The following POLG2 variants were observed in gnomAD, a reference collection of about 807,000 sequenced individuals.
The protein encoded by POLG2 is DNA polymerase gamma 2, accessory subunit.
In POLG2, 50 loss-of-function variants were observed where a neutral mutation model predicts 56.5. That is an observed-to-expected ratio of 0.88 (90% CI 0.71 to 1.12). The LOEUF is 1.12. Ranked by LOEUF, POLG2 falls within the 50% of genes most tolerant of loss-of-function variation. POLG2 has a pLI of 0.00. For missense variants in POLG2, 584 were observed against 583.3 expected (o/e 1.00, Z -0.01); for synonymous variants, 226 against 222.6 (o/e 1.02, Z -0.14).
intron 1 of POLG2, 120 bp downstream of exon 1, chr17:64,496,287 G>A (rs1246238666): frequency 1.5e-6 from 1 of 687,432 alleles, no homozygotes. Flanking sequence ...TCAAAAAGAT[G>A]AGAACTAACT....
chr17:64,481,283 C>T, intron 6 of POLG2: 1 of 985,370 alleles, frequency 1.0e-6, no homozygotes, highest in Non-Finnish European at 1.2e-6. Context: ...ATTATCTTCT[C>T]CTTCTTTGAG....
intron 6 of POLG2, among the ~76,000 whole-genome samples, chr17:64,481,881 A>C (rs1555666543): frequency 6.6e-6 from 1 of 151,618 alleles, no homozygotes; most frequent in Non-Finnish European, 1.5e-5. Flanking sequence ...TCTCAAAATA[A>C]ATAAATAAAT....
rs781993155 is a variant in POLG2 at position 64,496,824 on chromosome 17, C to A, written c.145G>T (p.Glu49Ter). Residue 49 changes from glutamate (E) to a stop codon, truncating the protein, a stop_gained, in exon 1 of 8, where the codon GAG (glutamate) becomes TAG (stop). Transcript: ENST00000539111. LOFTEE classifies it high-confidence loss of function. ...GGGTGCTCGCCGTTCCCCTCGAGCT[C>A]CGCGTGCGACTTCACATGCCCTCCT... is the stretch of plus-strand genomic sequence containing the variant. ...PKGGHVKSHA[E>*]LEGNGEHPEA... 1 of 1,613,918 alleles carries A rather than the reference C, an allele frequency of 6.2e-7. No homozygotes were observed. The highest frequency in any genetic ancestry group is 1.1e-5 in the South Asian group (1 of 91,076).
intron 7 of POLG2, 51 bp from the exon 8 acceptor site, chr17:64,478,039 A>C: frequency 1.9e-6 from 3 of 1,583,994 alleles, no homozygotes; most frequent in Non-Finnish European, 2.6e-6. Flanking sequence ...TAAATAATAA[A>C]TTCCTCCACG....
intron 4 of POLG2, chr17:64,486,923 A>T (rs933272899): frequency 2.6e-5 from 4 of 152,238 alleles, no homozygotes; most frequent in Non-Finnish European, 4.4e-5. Context: ...AAGAGGAATC[A>T]TTTCAAACTT....
chr17:64,482,218 C>T (rs1200835071), intron 6 of POLG2, among the ~76,000 whole-genome samples: 1 of 150,924 alleles, frequency 6.6e-6, no homozygotes. Flanking sequence ...ATTCTTGTGC[C>T]TTAGCCTCCT....
chr17:64,491,045 A>C (rs1555668399), intron 3 of POLG2, 76 bp from the exon 4 acceptor site: 2 of 1,123,080 alleles, frequency 1.8e-6, no homozygotes, highest in Non-Finnish European at 2.7e-6. Flanking sequence ...ATCTGTAAGA[A>C]TTTAAATTGT....
At chr17:64,486,483 T>C (rs927529333) in intron 4 of POLG2, among the ~76,000 whole-genome samples, 1 of 152,044 alleles carries the variant, frequency 6.6e-6, no homozygotes, top group Admixed American at 6.6e-5. Context: ...TGCCTCAGTC[T>C]CCTGAGTAGC....
rs782075694 is a variant in POLG2, at chr17:64,490,784, G to A, written c.969+12C>T. 1 of 1,603,946 alleles carries A rather than the reference G, an allele frequency of 6.2e-7. No individual in the cohort carries two copies. The highest frequency in any genetic ancestry group is 8.5e-7 in the Non-Finnish European group (1 of 1,170,758). ...GGGTAAAAAATACATAGGAGCTCCAGGTAAAACATACATGTAATTTAGACA... is the reference window on the plus strand; with the variant it reads ...GGGTAAAAAATACATAGGAGCTCCAAGTAAAACATACATGTAATTTAGACA... On this transcript the variant is annotated intron_variant, in intron 4 of 7. Transcript: ENST00000539111.
chr17:64,482,840 C>G, intron 6 of POLG2, 79 bp downstream of exon 6: 2 of 845,548 alleles, frequency 2.4e-6, no homozygotes, highest in Non-Finnish European at 4.1e-6. Flanking sequence ...ATCCGAGATC[C>G]AAAATGGTCC....
At chr17:64,494,241 C>A (rs564966230) in intron 1 of POLG2, among the ~76,000 whole-genome samples, 4 of 152,112 alleles carry the variant, frequency 2.6e-5, no homozygotes, top group African/African-American at 9.7e-5. Context: ...TGATTGTTTC[C>A]TTATGATTTA....
chr17:64,496,476 C>T lies in POLG2; in HGVS notation c.493G>A (p.Glu165Lys), dbSNP rs782727366. The T allele has an allele frequency of 2.5e-6, 4 of 1,610,222 alleles. No homozygotes were observed. The Admixed American group carries it at 6.7e-5, about 27-fold the overall frequency. Residue 165 changes from glutamate to lysine, a missense_variant, in exon 1 of 8, where the codon GAA (glutamate) becomes AAA (lysine). Glu to Lys is a moderately conservative substitution (Grantham distance 56). Transcript: ENST00000539111. ...EILQDKELSK[E>K]QLVAFLENVL... The stretch of plus-strand genomic sequence containing the variant: ...TTCTCAAGAAATGCTACTAGCTGTT[C>T]CTTACTCAGCTCTTTGTCTTGCAAG...
chr17:64,481,476 G>C, intron 6 of POLG2: 1 of 877,866 alleles, frequency 1.1e-6, no homozygotes, highest in African/African-American at 1.8e-5. Context: ...ATCCCCCATG[G>C]CCTTTCTTAA....
intron 1 of POLG2, among the ~76,000 whole-genome samples, chr17:64,493,464 C>T (rs1305324316): frequency 2.0e-5 from 3 of 151,878 alleles, no homozygotes; most frequent in Non-Finnish European, 2.9e-5. Flanking sequence ...TAGGTAGTTT[C>T]ACCCTGAGTT....
rs372637401 is a variant in POLG2 at position 64,497,008 on chromosome 17, A to G, written c.-40T>C. ...AAAGAGCACACTCTCCCATCACTCA[A>G]CGGATCCCAACAAGCCACCACTACC... On this transcript the variant is annotated 5_prime_UTR_variant, in exon 1 of 8. Transcript: ENST00000539111. 3 of 1,558,492 alleles carry G rather than the reference A, an allele frequency of 1.9e-6. No homozygotes were observed. The highest frequency in any genetic ancestry group is 2.7e-5 in the African/African-American group (2 of 74,142).
chr17:64,496,121 A>G (rs2038146409), intron 1 of POLG2, among the ~76,000 whole-genome samples: 1 of 152,248 alleles, frequency 6.6e-6, no homozygotes, highest in African/African-American at 2.4e-5. Flanking sequence ...TTATGCACTT[A>G]GACTACATTG....
chr17:64,494,579 C>T (rs1413466915), intron 1 of POLG2, among the ~76,000 whole-genome samples: 1 of 151,990 alleles, frequency 6.6e-6, no homozygotes, highest in Non-Finnish European at 1.5e-5. Flanking sequence ...CTACCTCTTC[C>T]CCCCGCCCCC....
intron 3 of POLG2, chr17:64,491,772 C>A: frequency 1.6e-6 from 1 of 637,914 alleles, no homozygotes; most frequent in Non-Finnish European, 2.9e-6. Flanking sequence ...GCACGAGCGG[C>A]TATGCAAGTA....
At chr17:64,490,319 C>T (rs2038035670) in intron 4 of POLG2, 1 of 165,086 alleles carries the variant, frequency 6.1e-6, no homozygotes, top group African/African-American at 2.4e-5. Flanking sequence ...TCACCAGTAA[C>T]ACTCCTCATA....
Sources: gnomAD v4.1 joint callset for allele counts (sites outside exome capture counted in the v4.1 genomes callset) on GRCh38, gnomAD v4.1.1 for gene constraint, MANE v1.5 for transcripts, NCBI Gene and HGNC (gene_info 2026-07-23, HGNC 2026-07-21) for gene names.